The following HNRNPUL1 variants were observed in gnomAD, a reference collection of about 807,000 sequenced individuals.
HNRNPUL1 encodes the protein heterogeneous nuclear ribonucleoprotein U like 1.
Under a neutral mutation model 108.5 loss-of-function variants are expected in HNRNPUL1, and 14 were observed. The ratio of observed to expected loss-of-function variants is 0.13; its 90% confidence interval spans 0.09 to 0.20. The LOEUF (loss-of-function observed/expected upper bound fraction) is 0.20. HNRNPUL1 is among the 10% of genes least tolerant of loss of function. HNRNPUL1 has a pLI of 1.00. For missense variants in HNRNPUL1, 804 were observed against 1,168.3 expected (o/e 0.69, Z 4.55); for synonymous variants, 422 against 445.2 (o/e 0.95, Z 0.66).
chr19:41,271,383 T>C (rs2035228078), intron 2 of HNRNPUL1, among the ~76,000 whole-genome samples: 1 of 152,234 alleles, frequency 6.6e-6, no homozygotes, highest in South Asian at 2.1e-4. Flanking sequence ...TCAGGATGGC[T>C]GAGCACCATC....
intron 5 of HNRNPUL1, among the ~76,000 whole-genome samples, 161 bp from the exon 6 acceptor site, chr19:41,278,916 G>A (rs1166916108): frequency 1.3e-5 from 2 of 152,152 alleles, no homozygotes; most frequent in African/African-American, 4.8e-5. Context: ...CCCTGGCTTC[G>A]ATTCGGTTCA....
At chr19:41,285,277 A>G (rs559754219) in intron 7 of HNRNPUL1, among the ~76,000 whole-genome samples, 2 of 152,302 alleles carry the variant, frequency 1.3e-5, no homozygotes, top group Non-Finnish European at 2.9e-5. Context: ...TTTAATGCCA[A>G]GTGCAGTGGT....
chr19:41,268,275 C>T lies in HNRNPUL1; in HGVS notation c.348C>T (p.Ile116=), dbSNP rs746169918. 3 of 1,613,922 alleles carry T rather than the reference C, an allele frequency of 1.9e-6. No individual in the cohort carries two copies. The East Asian group carries it at 6.7e-5, about 36-fold the overall frequency. The change falls in exon 2 of 15, where the codon ATC becomes ATT. Residue 116 remains isoleucine, a synonymous_variant. Transcript: ENST00000392006. ...ACCAATTCTACGATACCCAAGTCAT[C>T]AAACAAGAAAACGAGTCAGGCTACG... is the stretch of plus-strand genomic sequence containing the variant. ...RQNQFYDTQV[I]KQENESGYER...
chr19:41,298,368 G>T (rs773446910), intron 10 of HNRNPUL1: 2 of 152,278 alleles, frequency 1.3e-5, no homozygotes, highest in Non-Finnish European at 2.9e-5. Context: ...GCAGAAGCTA[G>T]GCAGAGGGAA....
intron 1 of HNRNPUL1, 58 bp downstream of exon 1, chr19:41,264,856 G>A: frequency 2.2e-6 from 3 of 1,351,628 alleles, no homozygotes; most frequent in Non-Finnish European, 2.8e-6. Flanking sequence ...GGAAAGGGCT[G>A]TGGGACGCGG....
chr19:41,265,376 GGT>G, intron 1 of HNRNPUL1: 1 of 1,520,274 alleles, frequency 6.6e-7, no homozygotes, highest in Admixed American at 2.0e-5. Context: ...TGGAGGCGCT[GGT>G]GTCTGTGGCT....
chr19:41,299,126 C>G (rs751103747), intron 10 of HNRNPUL1, among the ~76,000 whole-genome samples: 2 of 152,182 alleles, frequency 1.3e-5, no homozygotes, highest in African/African-American at 4.8e-5. Context: ...AACTTTTCCT[C>G]TGTAACATGA....
rs2037613223 is a variant in HNRNPUL1, at chr19:41,307,649, A to G, written c.*1084A>G. 6.6e-6 allele frequency: 1 copy of G among 152,646 alleles called. No individual in the cohort carries two copies. The highest frequency in any genetic ancestry group is 1.5e-5 in the Non-Finnish European group (1 of 68,050). The allele number at this position is 152,646 out of a possible 1,614,324, so 9.5% of individuals were successfully genotyped here. On this transcript the variant is annotated 3_prime_UTR_variant, in exon 15 of 15. Coordinates refer to ENST00000392006, the MANE Select transcript of HNRNPUL1 (RefSeq NM_007040.6). ...TTTGGTTTCGTTTTGTTTTCTTTGA[A>G]TAAATGACATGGCACCTCCTAGCAG...
At chr19:41,274,249 C>G (rs936059792) in intron 4 of HNRNPUL1, among the ~76,000 whole-genome samples, 194 bp downstream of exon 4, 2 of 152,142 alleles carry the variant, frequency 1.3e-5, no homozygotes, top group Admixed American at 6.5e-5. Flanking sequence ...GCAGTGGGAC[C>G]CTGGGCAAGT....
At chr19:41,290,483 A>G (rs1276008327) in intron 7 of HNRNPUL1, among the ~76,000 whole-genome samples, 1 of 152,156 alleles carries the variant, frequency 6.6e-6, no homozygotes, top group African/African-American at 2.4e-5. Context: ...GCGGTAAATT[A>G]GAGTCCCTCA....
At chr19:41,267,480 C>T (rs1014930238) in intron 1 of HNRNPUL1, among the ~76,000 whole-genome samples, 3 of 152,164 alleles carry the variant, frequency 2.0e-5, no homozygotes, top group Non-Finnish European at 1.5e-5. Flanking sequence ...TCCTTTGAGC[C>T]CCCTTCATGC....
rs910432323 is a variant in HNRNPUL1, at chr19:41,292,138, C to G, written c.1000-107C>G. On this transcript the variant is annotated intron_variant, in intron 7 of 14. Transcript: ENST00000392006. This position sits in a 1 kb window ranked among gnomAD's most constrained non-coding sequence, Gnocchi z 4.1. ...ATGTTGGGGAAGGATGCACTTCAATCTGGAAAGCTGTCCACATTCTACTCC... is the reference window on the plus strand; with the variant it reads ...ATGTTGGGGAAGGATGCACTTCAATGTGGAAAGCTGTCCACATTCTACTCC... 2.6e-6 allele frequency: 3 copies of G among 1,161,262 alleles called. No individual in the cohort carries two copies. The highest frequency in any genetic ancestry group is 2.8e-5 in the South Asian group (2 of 72,014). 71.9% of individuals were successfully genotyped at this position (1,161,262 alleles called of 1,614,324 possible).
chr19:41,306,304 A>G (rs2037543487), intron 14 of HNRNPUL1, 145 bp from the exon 15 acceptor site: 2 of 587,144 alleles, frequency 3.4e-6, no homozygotes, highest in Non-Finnish European at 3.0e-6. Context: ...GGTCTTTCCA[A>G]GGTGCCTTGA....
At chr19:41,282,416 A>C (rs964366747) in intron 7 of HNRNPUL1, among the ~76,000 whole-genome samples, 2 of 152,206 alleles carry the variant, frequency 1.3e-5, no homozygotes, top group African/African-American at 4.8e-5. Context: ...TCCCGACCTC[A>C]GATGATCTGC....
Position 41,272,122 on chromosome 19 carries a change from C to T in HNRNPUL1, c.459C>T (p.Phe153=). ...TEMKQGAPTS[F]LPPEASQLKP... is the part of the protein sequence containing the mutation. ...TGAAGCAAGGAGCACCCACCAGCTT[C>T]CTCCCGCCTGAAGCTTCTCAACTCA... Residue 153 remains phenylalanine (F), a synonymous_variant, in exon 3 of 15, where the codon TTC becomes TTT. Transcript: ENST00000392006. 2 of 1,614,158 alleles carry T rather than the reference C, an allele frequency of 1.2e-6. No individual in the cohort carries two copies. Among genetic ancestry groups the T allele is most frequent in the Non-Finnish European group, 1.7e-6 (2 of 1,180,020 alleles).
intron 10 of HNRNPUL1, among the ~76,000 whole-genome samples, chr19:41,299,601 C>G (rs2037086422): frequency 6.6e-6 from 1 of 152,190 alleles, no homozygotes; most frequent in Non-Finnish European, 1.5e-5. Context: ...GAGATTTTTA[C>G]ATCTGCAAAT....
intron 1 of HNRNPUL1, among the ~76,000 whole-genome samples, chr19:41,267,724 C>T (rs949972610): frequency 6.6e-6 from 1 of 152,244 alleles, no homozygotes; most frequent in Non-Finnish European, 1.5e-5. Flanking sequence ...GAGCTAGCCC[C>T]TGGGGAGGAG....
Position 41,264,478 on chromosome 19 carries a change from C to T in HNRNPUL1, c.-26C>T. 2 of 1,344,238 alleles carry T rather than the reference C, an allele frequency of 1.5e-6. No individual in the cohort carries two copies. The highest frequency in any genetic ancestry group is 9.5e-7 in the Non-Finnish European group (1 of 1,047,244). 83.3% of individuals were successfully genotyped at this position (1,344,238 alleles called of 1,614,324 possible). A position where few individuals can be genotyped will look rare whatever the true frequency, so the allele number is the denominator to read the frequency against. ...GAGCCCTGGGAGGCCGGGCCGGGCT[C>T]GGGGGCCACCCCGGGGGCCCGGGCC... On this transcript the variant is annotated 5_prime_UTR_variant, in exon 1 of 15. Coordinates refer to ENST00000392006, the MANE Select transcript of HNRNPUL1 (RefSeq NM_007040.6).
chr19:41,284,853 G>A (rs150964801), intron 7 of HNRNPUL1, among the ~76,000 whole-genome samples: 4,290 of 151,924 alleles, frequency 0.028, 258 homozygotes, highest in African/African-American at 0.098. Context: ...AAAATTAGCC[G>A]GGCGTGGTGG....
Sources: allele counts gnomAD v4.1 joint callset (sites outside exome capture counted in the v4.1 genomes callset), GRCh38; gene constraint gnomAD v4.1.1; non-coding constraint Gnocchi (gnomAD v3.1); transcripts MANE v1.5; gene names NCBI Gene and HGNC (gene_info 2026-07-23, HGNC 2026-07-21).